Variants in ADGRL3 observed in about 807,000 individuals in gnomAD.
ADGRL3 encodes the protein adhesion G protein-coupled receptor L3.
Under a neutral mutation model 153.5 loss-of-function variants are expected in ADGRL3, and 62 were observed. The observed-to-expected ratio is 0.40, with a 90% CI of 0.33 to 0.50. The LOEUF (loss-of-function observed/expected upper bound fraction) is 0.50. Ranked by LOEUF, ADGRL3 falls within the 20% of genes least tolerant of loss-of-function variation. ADGRL3 has a pLI of 0.47. For synonymous variants in ADGRL3, 710 were observed against 672.5 expected, an observed-to-expected ratio of 1.06 and a Z score of -0.86; for missense variants, 1,641 against 1,859.4, an observed-to-expected ratio of 0.88 and a Z score of 2.16.
chr4:61,984,298 C>A (rs2099078259), intron 19 of ADGRL3, among the ~76,000 whole-genome samples: 1 of 151,770 alleles, frequency 6.6e-6, no homozygotes, highest in African/African-American at 2.4e-5. Flanking sequence ...AGAACTAGAC[C>A]CAGGACTAAA....
Position 61,847,216 on chromosome 4 carries a change from A to G in ADGRL3, c.1480+33327A>G, listed in dbSNP as rs77582809. The stretch of plus-strand genomic sequence containing the variant: ...ACTACAGTAAGTATCTTTATAAATC[A>G]TGTGGTTATATTTTTGTACGTATTC... On this transcript the variant is annotated intron_variant, in intron 9 of 26. Transcript: ENST00000683033. Among the ~76,000 whole-genome samples, 500 of 152,070 alleles carry G rather than the reference A, an allele frequency of 3.3e-3. 3 individuals are homozygous for G. The highest frequency in any genetic ancestry group is 0.012 in the African/African-American group (484 of 41,462).
At chr4:61,486,918 A>G (rs2098201132) in intron 2 of ADGRL3, among the ~76,000 whole-genome samples, 1 of 152,168 alleles carries the variant, frequency 6.6e-6, no homozygotes, top group Non-Finnish European at 1.5e-5. Context: ...GGTTATTGCT[A>G]TCTCTTCAGA....
chr4:61,540,714 A>G (rs905807009), intron 4 of ADGRL3, among the ~76,000 whole-genome samples: 1 of 152,178 alleles, frequency 6.6e-6, no homozygotes, highest in Non-Finnish European at 1.5e-5. Context: ...ATAGAACACA[A>G]TTTTCAGGTT....
At chr4:61,965,531 C>T (rs530845478) in intron 17 of ADGRL3, among the ~76,000 whole-genome samples, 21 of 151,988 alleles carry the variant, frequency 1.4e-4, no homozygotes, top group South Asian at 1.2e-3. Flanking sequence ...GGGTGGATCA[C>T]GAGGTCAGGA....
chr4:61,541,841 A>G (rs200961020), intron 4 of ADGRL3, among the ~76,000 whole-genome samples: 2 of 80,968 alleles, frequency 2.5e-5, no homozygotes, highest in African/African-American at 4.7e-5. Flanking sequence ...GTGTGTGTGT[A>G]TACACACACA....
intron 8 of ADGRL3, among the ~76,000 whole-genome samples, chr4:61,785,609 T>G (rs1192088195): frequency 6.6e-6 from 1 of 152,300 alleles, no homozygotes; most frequent in Middle Eastern, 3.4e-3. Flanking sequence ...TCAGGAGCTC[T>G]TCTTCCACAG....
chr4:61,744,945 G>C (rs1486863155), intron 8 of ADGRL3, among the ~76,000 whole-genome samples: 1 of 152,172 alleles, frequency 6.6e-6, no homozygotes, highest in Non-Finnish European at 1.5e-5. Context: ...AAAACCAAAG[G>C]CAAAGAAGTT....
intron 5 of ADGRL3, among the ~76,000 whole-genome samples, chr4:61,659,146 C>T (rs1345080709): frequency 1.3e-5 from 2 of 152,082 alleles, no homozygotes; most frequent in East Asian, 1.9e-4. Flanking sequence ...TCCAAATTTC[C>T]CTCTTCTTAT....
chr4:61,587,165 A>T lies in ADGRL3; in HGVS notation c.260-62A>T, dbSNP rs921994418. ...CCCCAAACATTGGAAAAGCGAACAC[A>T]TGTAATTTTCCTTTGTATGTAGTAA... is the stretch of plus-strand genomic sequence containing the variant. On this transcript the variant is annotated intron_variant, in intron 4 of 26. Transcript: ENST00000683033. 26 of 1,086,742 alleles carry T rather than the reference A, an allele frequency of 2.4e-5. No homozygotes were observed. The Admixed American group carries it at 5.8e-4, about 24-fold the overall frequency. The allele number at this position is 1,086,742 out of a possible 1,614,324, so 67.3% of individuals were successfully genotyped here. A position where few individuals can be genotyped will look rare whatever the true frequency, so the allele number is the denominator to read the frequency against.
intron 25 of ADGRL3, among the ~76,000 whole-genome samples, chr4:62,067,222 T>TAGAA (rs1438416285): frequency 3.9e-5 from 6 of 152,252 alleles, no homozygotes; most frequent in Admixed American, 2.6e-4. Context: ...TATAGTAAGA[T>TAGAA]AGAACCCTTT....
At chr4:61,891,723 G>A (rs995431394) in intron 9 of ADGRL3, among the ~76,000 whole-genome samples, 1 of 152,212 alleles carries the variant, frequency 6.6e-6, no homozygotes, top group Middle Eastern at 3.4e-3. Context: ...TATCCCTACA[G>A]TTTATTGCCA....
At chr4:61,272,692 GA>G (rs2093260528) in intron 1 of ADGRL3, among the ~76,000 whole-genome samples, 1 of 151,636 alleles carries the variant, frequency 6.6e-6, no homozygotes, top group Non-Finnish European at 1.5e-5. Flanking sequence ...AATTTAGAAT[GA>G]AAAGTAGCTT....
chr4:61,495,740 T>C (rs949960175), intron 2 of ADGRL3, among the ~76,000 whole-genome samples: 1 of 152,168 alleles, frequency 6.6e-6, no homozygotes, highest in Non-Finnish European at 1.5e-5. Context: ...AAGTTATTAA[T>C]ATTTGACACC....
chr4:61,327,603 G>A (rs2095491821), intron 1 of ADGRL3, among the ~76,000 whole-genome samples: 1 of 151,986 alleles, frequency 6.6e-6, no homozygotes, highest in Non-Finnish European at 1.5e-5. Flanking sequence ...TTGGAGTCAT[G>A]AGCATACAGG....
At chr4:61,729,661 A>T (rs974853843) in intron 6 of ADGRL3, among the ~76,000 whole-genome samples, 1 of 151,436 alleles carries the variant, frequency 6.6e-6, no homozygotes, top group Non-Finnish European at 1.5e-5. Flanking sequence ...CTTTTTTCTC[A>T]TTGGTCCCTT....
chr4:61,922,196 TA>T (rs1472343553), intron 13 of ADGRL3, among the ~76,000 whole-genome samples: 1 of 152,216 alleles, frequency 6.6e-6, no homozygotes, highest in East Asian at 1.9e-4. Context: ...ATAAACTGTC[TA>T]AAGTGATTCT....
At chr4:61,725,692 T>C (rs1444003601) in intron 6 of ADGRL3, among the ~76,000 whole-genome samples, 1 of 152,068 alleles carries the variant, frequency 6.6e-6, no homozygotes, top group East Asian at 1.9e-4. Flanking sequence ...ATACCAGATA[T>C]AGTGCCTACC....
At chr4:61,827,834 T>C (rs1581027999) in intron 9 of ADGRL3, among the ~76,000 whole-genome samples, 1 of 152,278 alleles carries the variant, frequency 6.6e-6, no homozygotes, top group African/African-American at 2.4e-5. Context: ...CACCCATTAT[T>C]GATTCTTTGA....
intron 19 of ADGRL3, among the ~76,000 whole-genome samples, chr4:61,993,040 A>T (rs577719416): frequency 3.5e-4 from 54 of 152,184 alleles, no homozygotes; most frequent in African/African-American, 1.3e-3. Context: ...TAGTTCTCAG[A>T]TTAGCTTTCA....
Sources: gnomAD v4.1 joint callset for allele counts (sites outside exome capture counted in the v4.1 genomes callset) on GRCh38, gnomAD v4.1.1 for gene constraint, MANE v1.5 for transcripts, NCBI Gene and HGNC (gene_info 2026-07-23, HGNC 2026-07-21) for gene names.